The following BTBD10 variants were observed in gnomAD, a reference collection of about 807,000 sequenced individuals.
BTBD10 encodes the protein BTB/POZ domain-containing protein 10.
BTBD10 carries 21 observed loss-of-function variants against 53.2 expected under a neutral mutation model. That is an observed-to-expected ratio of 0.39 (90% confidence interval 0.28 to 0.57). The LOEUF (loss-of-function observed/expected upper bound fraction) is 0.57. BTBD10 is among the 20% of genes least tolerant of loss of function. The pLI is 0.53. For missense variants in BTBD10, 360 were observed against 594.7 expected, an observed-to-expected ratio of 0.61 and a Z score of 4.10; for synonymous variants, 149 against 192.7, an observed-to-expected ratio of 0.77 and a Z score of 1.88.
intron 2 of BTBD10, among the ~76,000 whole-genome samples, chr11:13,425,815 T>G (rs897741815): frequency 6.6e-6 from 1 of 152,170 alleles, no homozygotes; most frequent in Admixed American, 6.6e-5. Flanking sequence ...ACTGTATACA[T>G]GTATTGAAAT....
chr11:13,454,047 A>C (rs1223906974), intron 1 of BTBD10, among the ~76,000 whole-genome samples: 10 of 152,098 alleles, frequency 6.6e-5, no homozygotes, highest in African/African-American at 1.7e-4. Context: ...GCAAGACTCC[A>C]TCTCAAAAAC....
chr11:13,410,016 A>G (rs1949905713), intron 6 of BTBD10, among the ~76,000 whole-genome samples: 1 of 152,196 alleles, frequency 6.6e-6, no homozygotes, highest in Non-Finnish European at 1.5e-5. Flanking sequence ...GCTGGGAGGA[A>G]GTGAGGGATA....
chr11:13,421,852 A>T lies in BTBD10; in HGVS notation c.102-14T>A. 6.3e-7 allele frequency: 1 copy of T among 1,581,346 alleles called. No homozygotes were observed. Among genetic ancestry groups the T allele is most frequent in the Non-Finnish European group, 8.6e-7 (1 of 1,160,384 alleles). On this transcript the variant is annotated splice_polypyrimidine_tract_variant and intron_variant, in intron 2 of 8. Transcript: ENST00000278174. ...CGCGAGGAAGTACTGATAAGTTAGA[A>T]AGGAAAATTAACCATAAAAGCAGAA...
At chr11:13,389,672 C>T (rs1949355837) in intron 8 of BTBD10, among the ~76,000 whole-genome samples, 1 of 152,196 alleles carries the variant, frequency 6.6e-6, no homozygotes, top group African/African-American at 2.4e-5. Context: ...AAGTGATCTG[C>T]CTCGGCCTCC....
chr11:13,435,276 CA>C (rs1286126167), intron 2 of BTBD10, among the ~76,000 whole-genome samples: 3 of 152,098 alleles, frequency 2.0e-5, no homozygotes, highest in Non-Finnish European at 4.4e-5. Flanking sequence ...ATTCATTCAA[CA>C]AATATTTACT....
intron 1 of BTBD10, among the ~76,000 whole-genome samples, chr11:13,453,833 C>T (rs1230968233): frequency 1.3e-5 from 2 of 152,148 alleles, no homozygotes; most frequent in Admixed American, 6.5e-5. Flanking sequence ...GCAGGTGGAT[C>T]ACGAGGTCAG....
At chr11:13,411,266 CAGAGAGAG>C (rs1198669631) in intron 6 of BTBD10, among the ~76,000 whole-genome samples, 2 of 152,086 alleles carry the variant, frequency 1.3e-5, no homozygotes, top group Non-Finnish European at 2.9e-5. Flanking sequence ...GTGCCTCAAC[CAGAGAGAG>C]AGAACATGCA....
rs779864912 is a variant in BTBD10 at position 13,419,510 on chromosome 11, A to G, written c.534T>C (p.Phe178=). 2 of 1,614,070 alleles carry G rather than the reference A, an allele frequency of 1.2e-6. No individual in the cohort carries two copies. Among genetic ancestry groups the G allele is most frequent in the East Asian group, 4.5e-5 (2 of 44,876 alleles). Residue 178 remains phenylalanine (F), a synonymous_variant, in exon 4 of 9, where the codon TTT becomes TTC. Transcript: ENST00000278174. ...CAGTAAAAATGGATGGGTCTACAAC[A>G]AATCTAGTGTTATCCACTATTAGTG... ...RVTLIVDNTR[F]VVDPSIFTAQ...
chr11:13,452,342 T>C (rs1234476780), intron 1 of BTBD10, among the ~76,000 whole-genome samples: 2 of 152,180 alleles, frequency 1.3e-5, no homozygotes, highest in African/African-American at 4.8e-5. Flanking sequence ...AAAGTAATTT[T>C]GGTGAGTGAT....
At position 13,396,828 on chromosome 11, in the gene BTBD10, T is replaced by C. The variant is rs1331810706; in HGVS notation, c.1117+6340A>G. On this transcript the variant is annotated intron_variant, in intron 8 of 8. Coordinates refer to ENST00000278174, the MANE Select transcript of BTBD10 (RefSeq NM_032320.7). ...TGTTTTTTGTCTTTGGTTCTGTTTATATGCTGGATTACGTTTATTGATTTT... is the reference window on the plus strand; with the variant it reads ...TGTTTTTTGTCTTTGGTTCTGTTTACATGCTGGATTACGTTTATTGATTTT... 2.0e-5 allele frequency among the ~76,000 whole-genome samples: 3 copies of C among 152,246 alleles called. No homozygotes were observed. The East Asian group carries it at 5.8e-4, about 29-fold the overall frequency.
intron 2 of BTBD10, among the ~76,000 whole-genome samples, chr11:13,433,144 CAG>C (rs1950482005): frequency 6.6e-6 from 1 of 152,180 alleles, no homozygotes; most frequent in African/African-American, 2.4e-5. Context: ...CCTCAGAAAA[CAG>C]AATCTCTCTC....
chr11:13,438,422 A>T (rs1190645470), intron 2 of BTBD10, among the ~76,000 whole-genome samples: 1 of 152,028 alleles, frequency 6.6e-6, no homozygotes, highest in African/African-American at 2.4e-5. Context: ...TATGCTGTGA[A>T]ATCATGCTGA....
chr11:13,405,204 A>T (rs1364332648), intron 7 of BTBD10: 1 of 152,904 alleles, frequency 6.5e-6, no homozygotes, highest in Non-Finnish European at 1.5e-5. Context: ...TGATATTTTA[A>T]AAAAGGGTAC....
Position 13,405,788 on chromosome 11 carries a change from T to C in BTBD10, c.877A>G (p.Ile293Val). Residue 293 changes from isoleucine (I) to valine (V), a missense_variant, in exon 7 of 9, where the codon ATC becomes GTC. This residue lies in a region of BTBD10 where 91 missense variants were observed against 171.7 expected (regional missense o/e 0.53). Coordinates refer to ENST00000278174, the MANE Select transcript of BTBD10 (RefSeq NM_032320.7). ...RQFEFYLEEM[I>V]LPLMVASAQS... The stretch of plus-strand genomic sequence containing the variant: ...GCACTAGCTACCATGAGAGGGAGGA[T>C]CATTTCTTCCAGATAAAATTCAAAT... The C allele has an allele frequency of 6.2e-7, 1 of 1,613,786 alleles. No homozygotes were observed. The highest frequency in any genetic ancestry group is 2.2e-5 in the East Asian group (1 of 44,876).
At position 13,389,158 on chromosome 11, in the gene BTBD10, T is replaced by A; in HGVS notation, c.1118-17A>T. The A allele has an allele frequency of 6.5e-7, 1 of 1,541,184 alleles. No individual in the cohort carries two copies. Among genetic ancestry groups the A allele is most frequent in the Non-Finnish European group, 8.9e-7 (1 of 1,125,100 alleles). On this transcript the variant is annotated splice_polypyrimidine_tract_variant and intron_variant, in intron 8 of 8. Coordinates refer to ENST00000278174, the MANE Select transcript of BTBD10 (RefSeq NM_032320.7). ...TAGGATAACCTGAAAGAAAGAAAGA[T>A]TTTAAAAACTGAGGAGACACACACA...
At chr11:13,451,775 G>A (rs1466561226) in intron 1 of BTBD10, among the ~76,000 whole-genome samples, 3 of 152,268 alleles carry the variant, frequency 2.0e-5, no homozygotes, top group Non-Finnish European at 2.9e-5. Context: ...TGGCCCAGAT[G>A]TTAGATTTAG....
chr11:13,422,506 G>A (rs755836052), intron 2 of BTBD10, among the ~76,000 whole-genome samples: 14 of 152,084 alleles, frequency 9.2e-5, no homozygotes, highest in Non-Finnish European at 2.1e-4. Flanking sequence ...AAATCAGCTG[G>A]GTGTGGTGGC....
intron 2 of BTBD10, among the ~76,000 whole-genome samples, chr11:13,429,459 C>T (rs1411418416): frequency 6.6e-6 from 1 of 152,002 alleles, no homozygotes; most frequent in African/African-American, 2.4e-5. Flanking sequence ...ATCAATGAAT[C>T]AGAATGAAGA....
At chr11:13,422,555 C>T (rs1591132446) in intron 2 of BTBD10, among the ~76,000 whole-genome samples, 1 of 151,882 alleles carries the variant, frequency 6.6e-6, no homozygotes, top group South Asian at 2.1e-4. Flanking sequence ...GGCTGGGGCA[C>T]AAGAATCGTC....
Sources: allele counts gnomAD v4.1 joint callset (sites outside exome capture counted in the v4.1 genomes callset), GRCh38; gene constraint gnomAD v4.1.1; regional missense constraint gnomAD v4.1.1; transcripts MANE v1.5; gene names NCBI Gene and HGNC (gene_info 2026-07-23, HGNC 2026-07-21).